The following DLGAP2 variants were observed in gnomAD, a reference collection of about 807,000 sequenced individuals.
DLGAP2 encodes the protein disks large-associated protein 2.
DLGAP2 carries 26 observed loss-of-function variants against 100.3 expected under a neutral mutation model. That is an observed-to-expected ratio of 0.26 (90% CI 0.19 to 0.36). The LOEUF (loss-of-function observed/expected upper bound fraction) is 0.36. Among genes scored for constraint, DLGAP2 ranks in the 10% least tolerant of loss-of-function variants. The probability of loss-of-function intolerance (pLI) is 1.00; values close to 1 mark genes in which losing one functional copy is unlikely to be tolerated. For missense variants in DLGAP2, 1,858 were observed against 1,453.2 expected, an observed-to-expected ratio of 1.28 and a Z score of -4.53; for synonymous variants, 886 against 630.1, an observed-to-expected ratio of 1.41 and a Z score of -6.08.
At chr8:975,653 A>C (rs1263976612) in intron 2 of DLGAP2, among the ~76,000 whole-genome samples, 1 of 152,242 alleles carries the variant, frequency 6.6e-6, no homozygotes. Context: ...TCTATAGTAC[A>C]GCAAAAGCAT....
chr8:1,421,173 G>A (rs1047777553), intron 3 of DLGAP2, among the ~76,000 whole-genome samples: 3 of 152,174 alleles, frequency 2.0e-5, no homozygotes, highest in Admixed American at 1.3e-4. Context: ...ACAGGAAGCC[G>A]AGCTCATTTT....
At chr8:1,353,065 G>C (rs77234101) in intron 3 of DLGAP2, among the ~76,000 whole-genome samples, 1 of 152,180 alleles carries the variant, frequency 6.6e-6, no homozygotes, top group African/African-American at 2.4e-5. Flanking sequence ...GAGCTGCCTT[G>C]AACAGCAAGA....
chr8:1,561,732 C>A (rs185366889), intron 5 of DLGAP2, among the ~76,000 whole-genome samples: 2 of 140,834 alleles, frequency 1.4e-5, no homozygotes, highest in South Asian at 2.5e-4. Context: ...GTCCGCGCCT[C>A]GTTTCTGGGG....
chr8:1,201,855 AC>A (rs1797881525), intron 2 of DLGAP2, among the ~76,000 whole-genome samples: 3 of 151,746 alleles, frequency 2.0e-5, no homozygotes, highest in Admixed American at 6.6e-5. Flanking sequence ...GTGTATGTGT[AC>A]GGTATCTATC....
At chr8:1,491,397 T>TCGGAGGCTTCAGGCTGCTCCCTCGATCC (rs56365838) in intron 3 of DLGAP2, among the ~76,000 whole-genome samples, 1 of 149,474 alleles carries the variant, frequency 6.7e-6, no homozygotes, top group African/African-American at 2.5e-5. Flanking sequence ...CCCCCTGACC[T>TCGGAGGCTTCAGGCTGCTCCCTCGATCC]CGGAGGCTTC....
At chr8:1,106,612 A>C (rs1044607663) in intron 2 of DLGAP2, among the ~76,000 whole-genome samples, 1 of 149,894 alleles carries the variant, frequency 6.7e-6, no homozygotes, top group African/African-American at 2.5e-5. Context: ...AAGCCATTCT[A>C]GGAGGGTTTT....
At chr8:856,186 T>TTCTTC (rs1554433990) in intron 1 of DLGAP2, among the ~76,000 whole-genome samples, 35 of 123,260 alleles carry the variant, frequency 2.8e-4, no homozygotes, top group South Asian at 5.6e-4. Context: ...CTTCTTCTTC[T>TTCTTC]TTTTTTTTTT....
intron 2 of DLGAP2, among the ~76,000 whole-genome samples, chr8:958,742 T>C (rs1325830797): frequency 1.3e-5 from 2 of 152,176 alleles, no homozygotes; most frequent in South Asian, 2.1e-4. Context: ...TTCAGTAGTT[T>C]AGTTGAACCA....
chr8:1,422,818 A>G (rs1011552076), intron 3 of DLGAP2, among the ~76,000 whole-genome samples: 4 of 152,162 alleles, frequency 2.6e-5, no homozygotes, highest in Non-Finnish European at 5.9e-5. Context: ...ATCCACAAGC[A>G]GTCTTCAAAT....
At chr8:1,433,262 C>G (rs1035449180) in intron 3 of DLGAP2, among the ~76,000 whole-genome samples, 2 of 152,168 alleles carry the variant, frequency 1.3e-5, no homozygotes, top group African/African-American at 2.4e-5. Flanking sequence ...GCAACAGAAC[C>G]CATCCAGCTC....
At chr8:1,080,433 C>A (rs112366049) in intron 2 of DLGAP2, among the ~76,000 whole-genome samples, 1 of 152,370 alleles carries the variant, frequency 6.6e-6, no homozygotes, top group African/African-American at 2.4e-5. Context: ...CGCCATCAGC[C>A]TGTGCACTCT....
chr8:1,363,992 C>T (rs766654663), intron 3 of DLGAP2, among the ~76,000 whole-genome samples: 2 of 152,212 alleles, frequency 1.3e-5, no homozygotes, highest in Non-Finnish European at 1.5e-5. Flanking sequence ...GCCCCTCATC[C>T]TCTGTCAGGT....
At chr8:746,564 C>A (rs1213850415) in intron 1 of DLGAP2, among the ~76,000 whole-genome samples, 1 of 152,254 alleles carries the variant, frequency 6.6e-6, no homozygotes, top group East Asian at 1.9e-4. Flanking sequence ...TGGCAGTGTC[C>A]CTGCACCTGA....
At chr8:1,641,209 G>C (rs1327471073) in intron 8 of DLGAP2, among the ~76,000 whole-genome samples, 8 of 152,152 alleles carry the variant, frequency 5.3e-5, no homozygotes, top group African/African-American at 1.9e-4. Flanking sequence ...CGTGCCTCCC[G>C]GTTTGCAGAA....
At chr8:1,582,939 G>A (rs1324993709) in intron 6 of DLGAP2, among the ~76,000 whole-genome samples, 1 of 152,170 alleles carries the variant, frequency 6.6e-6, no homozygotes, top group African/African-American at 2.4e-5. Flanking sequence ...AGGGCTGCAT[G>A]TCTCGGTTTT....
At chr8:1,629,161 T>A (rs998117033) in intron 7 of DLGAP2, among the ~76,000 whole-genome samples, 4 of 152,250 alleles carry the variant, frequency 2.6e-5, no homozygotes, top group African/African-American at 9.6e-5. Flanking sequence ...CTATTCATTT[T>A]GCAGGTTTTT....
chr8:893,386 T>A (rs967206140), intron 1 of DLGAP2, among the ~76,000 whole-genome samples: 1 of 152,262 alleles, frequency 6.6e-6, no homozygotes, highest in Non-Finnish European at 1.5e-5. Context: ...GAGGCTGCCC[T>A]GTGATTCATC....
At chr8:852,229 TTGG>T (rs1288608674) in intron 1 of DLGAP2, among the ~76,000 whole-genome samples, 3 of 152,204 alleles carry the variant, frequency 2.0e-5, no homozygotes, top group African/African-American at 7.2e-5. Flanking sequence ...TTTCTCTGTC[TTGG>T]TGGATGACAC....
intron 4 of DLGAP2, among the ~76,000 whole-genome samples, chr8:1,511,086 A>C (rs1011624044): frequency 6.6e-6 from 1 of 152,258 alleles, no homozygotes; most frequent in Non-Finnish European, 1.5e-5. Flanking sequence ...AAGCATCGTC[A>C]TTTTCACCAC....
Sources: gnomAD v4.1 joint callset for allele counts (sites outside exome capture counted in the v4.1 genomes callset) on GRCh38, gnomAD v4.1.1 for gene constraint, MANE v1.5 for transcripts, NCBI Gene and HGNC (gene_info 2026-07-23, HGNC 2026-07-21) for gene names.